SERPINA6: variants seen among roughly 807,000 people sequenced by gnomAD.
The protein encoded by SERPINA6 is serpin family A member 6.
In SERPINA6, 19 loss-of-function variants were observed where a neutral mutation model predicts 26.4. The ratio of observed to expected loss-of-function variants is 0.72; its 90% CI spans 0.50 to 1.06. The LOEUF (loss-of-function observed/expected upper bound fraction) is 1.06, where lower values mean the gene tolerates loss of function less well. Among genes scored for constraint, SERPINA6 ranks in the 50% least tolerant of loss-of-function variants. SERPINA6 has a pLI of 0.00. For missense variants in SERPINA6, 473 were observed against 504.0 expected, an observed-to-expected ratio of 0.94 and a Z score of 0.59; for synonymous variants, 196 against 199.4, an observed-to-expected ratio of 0.98 and a Z score of 0.14.
At position 94,322,138 on chromosome 14, in the gene SERPINA6, C is replaced by G. The variant is rs192486903; in HGVS notation, c.-20+1129G>C. Among the ~76,000 whole-genome samples, 26 of 152,314 alleles carry G rather than the reference C, an allele frequency of 1.7e-4. No homozygotes were observed. The East Asian group carries it at 3.5e-3, about 20-fold the overall frequency. ...GAGCTGGAATTCTAAGCCTAGATGT[C>G]TGACATCGGAGCTTGTGCCATGCCA... On this transcript the variant is annotated intron_variant, in intron 1 of 4. Coordinates refer to ENST00000341584, the MANE Select transcript of SERPINA6 (RefSeq NM_001756.4).
intron 3 of SERPINA6, among the ~76,000 whole-genome samples, chr14:94,308,100 T>C (rs1292302646): frequency 6.6e-6 from 1 of 152,270 alleles, no homozygotes; most frequent in Non-Finnish European, 1.5e-5. Flanking sequence ...CCTGACTTCA[T>C]GTCGGGTCTG....
At chr14:94,316,834 C>A (rs557652134) in intron 1 of SERPINA6, among the ~76,000 whole-genome samples, 2 of 152,188 alleles carry the variant, frequency 1.3e-5, no homozygotes, top group Non-Finnish European at 2.9e-5. Context: ...CTGTGTTTAC[C>A]AGCCCTGAAC....
chr14:94,305,458 T>G (rs1190339795), intron 4 of SERPINA6, among the ~76,000 whole-genome samples: 2 of 152,206 alleles, frequency 1.3e-5, no homozygotes, highest in Admixed American at 6.5e-5. Context: ...AGAAGGCAGC[T>G]GTGTTGACTC....
intron 2 of SERPINA6, among the ~76,000 whole-genome samples, chr14:94,312,724 A>G (rs1252627515): frequency 6.6e-6 from 1 of 152,190 alleles, no homozygotes; most frequent in Non-Finnish European, 1.5e-5. Flanking sequence ...AAAGACCCAG[A>G]GGCAGGTAGA....
chr14:94,318,037 T>A lies in SERPINA6; in HGVS notation c.-19-3370A>T, dbSNP rs73346810. On this transcript the variant is annotated intron_variant, in intron 1 of 4. Transcript: ENST00000341584. ...TAACATCAATTGCATTTCCCACCAC[T>A]AACAAAGAAAACAATTTGAAAAGGA... 9.2e-3 allele frequency among the ~76,000 whole-genome samples: 1,394 copies of A among 152,186 alleles called. 21 individuals carry two copies. The highest frequency in any genetic ancestry group is 0.032 in the African/African-American group (1,328 of 41,516).
intron 1 of SERPINA6, among the ~76,000 whole-genome samples, chr14:94,321,775 T>G (rs1176748813): frequency 6.6e-6 from 1 of 152,198 alleles, no homozygotes; most frequent in Non-Finnish European, 1.5e-5. Flanking sequence ...TGTGCTTCTC[T>G]ATGGCCTTGC....
chr14:94,316,411 T>G (rs1453020683), intron 1 of SERPINA6, among the ~76,000 whole-genome samples: 1 of 152,236 alleles, frequency 6.6e-6, no homozygotes, highest in Non-Finnish European at 1.5e-5. Context: ...ATTTTCTTAC[T>G]TATTTTATGT....
At chr14:94,316,364 G>A (rs1373774825) in intron 1 of SERPINA6, among the ~76,000 whole-genome samples, 5 of 152,120 alleles carry the variant, frequency 3.3e-5, no homozygotes, top group African/African-American at 1.2e-4. Context: ...GTATAGGTCT[G>A]ATACATCTAG....
intron 2 of SERPINA6, 161 bp downstream of exon 2, chr14:94,313,875 A>G (rs779669909): frequency 1.8e-5 from 15 of 852,072 alleles, no homozygotes; most frequent in South Asian, 1.6e-4. Flanking sequence ...AAAATAATAT[A>G]ATTCCACCTA....
intron 1 of SERPINA6, among the ~76,000 whole-genome samples, chr14:94,322,192 G>A (rs1389332085): frequency 1.3e-5 from 2 of 152,214 alleles, no homozygotes; most frequent in Non-Finnish European, 2.9e-5. Context: ...AGAGCAAAAT[G>A]ATGAGTAAAG....
intron 3 of SERPINA6, 64 bp from the exon 4 acceptor site, chr14:94,306,282 C>T: frequency 6.4e-7 from 1 of 1,559,440 alleles, no homozygotes; most frequent in Non-Finnish European, 8.8e-7. Context: ...GGGAGAGCAG[C>T]ACCTCTTCTC....
At chr14:94,322,136 G>A (rs1895692506) in intron 1 of SERPINA6, among the ~76,000 whole-genome samples, 2 of 152,340 alleles carry the variant, frequency 1.3e-5, no homozygotes, top group Admixed American at 6.5e-5. Context: ...AAGCCTAGAT[G>A]TCTGACATCG....
chr14:94,310,105 A>G, intron 2 of SERPINA6, 99 bp from the exon 3 acceptor site: 2 of 1,150,176 alleles, frequency 1.7e-6, no homozygotes, highest in African/African-American at 1.5e-5. Context: ...GGCCTTCTGC[A>G]TGCTTGGAAT....
At position 94,314,063 on chromosome 14, in the gene SERPINA6, C is replaced by T. The variant is rs747671539; in HGVS notation, c.586G>A (p.Val196Ile). The change falls in exon 2 of 5, where the codon GTC becomes ATC. Residue 196 changes from valine to isoleucine, a missense_variant. Transcript: ENST00000341584. ...FSGLDSPAIL[V>I]LVNYIFFKGT... Reference sequence around the variant, plus strand: ...TTGAAGAAGATATAGTTGACCAGGACGAGGATGGCTGGGCTATCCAGCCCT... The same window carrying T: ...TTGAAGAAGATATAGTTGACCAGGATGAGGATGGCTGGGCTATCCAGCCCT... 2.5e-5 allele frequency: 40 copies of T among 1,614,020 alleles called. No individual in the cohort carries two copies. The highest frequency in any genetic ancestry group is 4.0e-5 in the African/African-American group (3 of 74,898).
intron 2 of SERPINA6, 174 bp downstream of exon 2, chr14:94,313,862 T>A: frequency 1.2e-6 from 1 of 837,602 alleles, no homozygotes; most frequent in Non-Finnish European, 2.0e-6. Context: ...TTTGATCTTT[T>A]GTAAAATAAT....
chr14:94,314,482 G>T lies in SERPINA6; in HGVS notation c.167C>A (p.Ala56Asp), dbSNP rs1484736032. 3 of 1,614,062 alleles carry T rather than the reference G, an allele frequency of 1.9e-6. No homozygotes were observed. In the African/African-American group the frequency reaches 4.0e-5, roughly 22 times the overall value. ...GAAAATGTTCTTTTTGGGACTCAAG[G>T]CCACTAGGTGCTTATACAGGCTGAA... ...FAFSLYKHLV[A>D]LSPKKNIFIS... The change falls in exon 2 of 5, where the codon GCC (alanine) becomes GAC (aspartate). Residue 56 changes from alanine to aspartate, a missense_variant. Coordinates refer to ENST00000341584, the MANE Select transcript of SERPINA6 (RefSeq NM_001756.4).
chr14:94,306,270 A>G (rs1283985657), intron 3 of SERPINA6, 52 bp from the exon 4 acceptor site: 10 of 1,592,994 alleles, frequency 6.3e-6, no homozygotes, highest in Non-Finnish European at 7.7e-6. Context: ...GGCCTGGCAG[A>G]GGGGAGAGCA....
chr14:94,315,574 C>T (rs1895603283), intron 1 of SERPINA6, among the ~76,000 whole-genome samples: 1 of 151,968 alleles, frequency 6.6e-6, no homozygotes, highest in Admixed American at 6.5e-5. Context: ...AAATATGATC[C>T]AAATATATGC....
In SERPINA6 at chr14:94,314,497, T is replaced by C. The variant is rs1279922831; in HGVS notation, c.152A>G (p.Tyr51Cys). ...GGGACTCAAGGCCACTAGGTGCTTA[T>C]ACAGGCTGAAGGCAAAGTCAACGTT... ...SANVDFAFSL[Y>C]KHLVALSPKK... is the part of the protein sequence containing the mutation. The change falls in exon 2 of 5, where the codon TAT (tyrosine) becomes TGT (cysteine). Residue 51 changes from tyrosine (Y) to cysteine (C), a missense_variant. By Grantham distance (194) the Tyr-to-Cys change is radical (BLOSUM62 -2). Coordinates refer to ENST00000341584, the MANE Select transcript of SERPINA6 (RefSeq NM_001756.4). 6.2e-7 allele frequency: 1 copy of C among 1,614,192 alleles called. No homozygotes were observed. The highest frequency in any genetic ancestry group is 1.7e-5 in the Admixed American group (1 of 60,034).
Sources: gnomAD v4.1 joint callset for allele counts (sites outside exome capture counted in the v4.1 genomes callset) on GRCh38, gnomAD v4.1.1 for gene constraint, MANE v1.5 for transcripts, NCBI Gene and HGNC (gene_info 2026-07-23, HGNC 2026-07-21) for gene names.